The following NRXN1 variants were observed in gnomAD, a reference collection of about 807,000 sequenced individuals.
The protein encoded by NRXN1 is neurexin-1.
In NRXN1, 39 loss-of-function variants were observed where a neutral mutation model predicts 150.9. The ratio of observed to expected loss-of-function variants is 0.26; its 90% confidence interval spans 0.20 to 0.34. The LOEUF is 0.34. Among genes scored for constraint, NRXN1 ranks in the 10% least tolerant of loss-of-function variants. The probability of loss-of-function intolerance (pLI) is 1.00; values close to 1 mark genes in which losing one functional copy is unlikely to be tolerated. For missense variants in NRXN1, 1,815 were observed against 1,949.9 expected (o/e 0.93, Z 1.30); for synonymous variants, 924 against 757.0 (o/e 1.22, Z -3.62).
intron 5 of NRXN1, among the ~76,000 whole-genome samples, chr2:50,742,008 T>C (rs929633851): frequency 3.9e-5 from 6 of 152,096 alleles, no homozygotes; most frequent in Non-Finnish European, 7.4e-5. Context: ...TGCCAACAAA[T>C]ATCAATAACT....
At chr2:50,495,456 G>C (rs887121048) in intron 15 of NRXN1, among the ~76,000 whole-genome samples, 2 of 149,446 alleles carry the variant, frequency 1.3e-5, no homozygotes, top group Non-Finnish European at 3.0e-5. Context: ...TGGAGACACA[G>C]GGTTTCTAAG....
chr2:50,356,772 C>A (rs1454519572), intron 17 of NRXN1, among the ~76,000 whole-genome samples: 2 of 152,136 alleles, frequency 1.3e-5, no homozygotes, highest in East Asian at 1.9e-4. Flanking sequence ...ATGGTGTGGT[C>A]TTCAATATTT....
intron 19 of NRXN1, among the ~76,000 whole-genome samples, chr2:50,079,310 C>T (rs1438113607): frequency 2.6e-5 from 4 of 152,004 alleles, no homozygotes; most frequent in Non-Finnish European, 5.9e-5. Context: ...AATGTGTCCA[C>T]TACTATCTAT....
intron 2 of NRXN1, among the ~76,000 whole-genome samples, chr2:51,002,191 G>C (rs1230110237): frequency 6.6e-6 from 1 of 151,902 alleles, no homozygotes; most frequent in African/African-American, 2.4e-5. Flanking sequence ...CTTTTCTCTT[G>C]TTTATTAGCT....
Position 50,770,514 on chromosome 2 carries a change from TC to T in NRXN1, c.833-146900del, listed in dbSNP as rs752770377. 1.4e-4 allele frequency among the ~76,000 whole-genome samples: 22 copies of T among 152,164 alleles called. No individual in the cohort carries two copies. The East Asian group carries it at 1.5e-3, about 11-fold the overall frequency. ...GAGCTCAAATGTGACTTTGGACCCATCTTAATATGGACTTTGCCATTAATTA... is the reference window on the plus strand; with the variant it reads ...GAGCTCAAATGTGACTTTGGACCCATTTAATATGGACTTTGCCATTAATTA... On this transcript the variant is annotated intron_variant, in intron 5 of 22. Coordinates refer to ENST00000401669, the MANE Select transcript of NRXN1 (RefSeq NM_001330078.2).
intron 5 of NRXN1, among the ~76,000 whole-genome samples, chr2:50,677,700 G>T (rs1289134517): frequency 6.6e-6 from 1 of 151,996 alleles, no homozygotes; most frequent in Non-Finnish European, 1.5e-5. Flanking sequence ...ACCCTAGTAT[G>T]TAGGCCATGA....
intron 5 of NRXN1, among the ~76,000 whole-genome samples, chr2:50,709,000 G>A (rs555934560): frequency 6.6e-6 from 1 of 152,266 alleles, no homozygotes; most frequent in African/African-American, 2.4e-5. Context: ...TTGATTGCCT[G>A]CTGATTTCTA....
chr2:50,524,478 CATAAATAA>C (rs201231040), intron 12 of NRXN1, among the ~76,000 whole-genome samples: 33,369 of 140,894 alleles, frequency 0.24, 4,843 homozygotes, highest in Middle Eastern at 0.42. Flanking sequence ...GAGTCCATCT[CATAAATAA>C]ATAAATAAAT....
chr2:50,478,642 G>C (rs1225115596), intron 15 of NRXN1, among the ~76,000 whole-genome samples: 2 of 152,104 alleles, frequency 1.3e-5, no homozygotes, highest in East Asian at 3.9e-4. Context: ...TGCTTCTGTA[G>C]GAAATAACCA....
chr2:50,816,447 A>G (rs1406766989), intron 5 of NRXN1, among the ~76,000 whole-genome samples: 2 of 152,186 alleles, frequency 1.3e-5, no homozygotes, highest in African/African-American at 4.8e-5. Context: ...GCTAACAGCC[A>G]TCTTGAAGCT....
chr2:50,148,520 TTTGA>T (rs1448449703), intron 18 of NRXN1, among the ~76,000 whole-genome samples: 2 of 151,652 alleles, frequency 1.3e-5, no homozygotes, highest in Non-Finnish European at 3.0e-5. Flanking sequence ...CTAATCACCA[TTTGA>T]TTGAGTTTAG....
At chr2:50,170,756 C>CGT (rs58130457) in intron 18 of NRXN1, among the ~76,000 whole-genome samples, 7,265 of 143,130 alleles carry the variant, frequency 0.051, 199 homozygotes, top group African/African-American at 0.09. Flanking sequence ...CTCTGTCTGT[C>CGT]GTGTGTGTGT....
Position 50,478,117 on chromosome 2 carries a change from G to C in NRXN1, c.3071-5646C>G, listed in dbSNP as rs576924232. ...GACCTTATCTAGATACACTGAGAGA[G>C]CTTGTCTTTAGGTGACAAATCCAAA... is the stretch of plus-strand genomic sequence containing the variant. On this transcript the variant is annotated intron_variant, in intron 15 of 22. Transcript: ENST00000401669. 5.1e-4 allele frequency among the ~76,000 whole-genome samples: 77 copies of C among 152,168 alleles called. 1 individual carries two copies. The Middle Eastern group carries it at 0.014, about 27-fold the overall frequency.
chr2:50,108,604 G>C (rs1263257785), intron 18 of NRXN1, among the ~76,000 whole-genome samples: 2 of 152,006 alleles, frequency 1.3e-5, no homozygotes, highest in Non-Finnish European at 2.9e-5. Context: ...AAAATACTAA[G>C]ATAAATTCTA....
chr2:50,837,029 G>A (rs949732199), intron 5 of NRXN1, among the ~76,000 whole-genome samples: 5 of 151,954 alleles, frequency 3.3e-5, no homozygotes, highest in African/African-American at 1.2e-4. Flanking sequence ...AATCCCTGAA[G>A]ATACTTTGCA....
intron 21 of NRXN1, among the ~76,000 whole-genome samples, chr2:49,971,739 G>T (rs1015372051): frequency 6.6e-6 from 1 of 152,228 alleles, no homozygotes; most frequent in Non-Finnish European, 1.5e-5. Context: ...TCTAAGGATA[G>T]AATATGAAGG....
rs181285560 is a variant in NRXN1, at chr2:50,635,221, G to A, written c.833-11606C>T. Among the ~76,000 whole-genome samples the A allele has an allele frequency of 7.7e-3, 1,164 of 151,210 alleles. 11 individuals are homozygous for A. The highest frequency in any genetic ancestry group is 0.017 in the Middle Eastern group (5 of 288). ...CACCCAGGCTGGAGTGCAGTGGCGC[G>A]ATCTCAGCTCACTGCAACCTCCACC... On this transcript the variant is annotated intron_variant, in intron 5 of 22. Transcript: ENST00000401669.
chr2:50,155,693 A>T (rs1427090852), intron 18 of NRXN1, among the ~76,000 whole-genome samples: 2 of 151,466 alleles, frequency 1.3e-5, no homozygotes, highest in Non-Finnish European at 3.0e-5. Context: ...TTTTATCTAA[A>T]AAGATGTTAG....
At chr2:50,411,238 G>A (rs2083141720) in intron 17 of NRXN1, among the ~76,000 whole-genome samples, 1 of 152,130 alleles carries the variant, frequency 6.6e-6, no homozygotes, top group African/African-American at 2.4e-5. Context: ...GTGTTGGCCG[G>A]GCTGGTCTCC....
Sources: allele counts gnomAD v4.1 joint callset (sites outside exome capture counted in the v4.1 genomes callset), GRCh38; gene constraint gnomAD v4.1.1; transcripts MANE v1.5; gene names NCBI Gene and HGNC (gene_info 2026-07-23, HGNC 2026-07-21).